Variants in ANKRD12 observed in about 807,000 individuals in gnomAD.
The protein encoded by ANKRD12 is ankyrin repeat domain 12, also known as ankyrin repeat domain-containing protein 12.
In ANKRD12, 85 loss-of-function variants were observed where a neutral mutation model predicts 183.4. The ratio of observed to expected loss-of-function variants is 0.46; its 90% CI spans 0.39 to 0.56. The LOEUF (loss-of-function observed/expected upper bound fraction) is 0.56. ANKRD12 is among the 20% of genes least tolerant of loss of function. The pLI is 0.00. For missense variants in ANKRD12, 2,405 were observed against 2,357.1 expected (o/e 1.02, Z -0.42); for synonymous variants, 914 against 800.2 (o/e 1.14, Z -2.40).
chr18:9,221,750 T>C, intron 7 of ANKRD12, 102 bp from the exon 8 acceptor site: 1 of 1,176,578 alleles, frequency 8.5e-7, no homozygotes, highest in Non-Finnish European at 1.2e-6. Context: ...GCAGAGTAAA[T>C]GAGGTAACAC....
In ANKRD12 at chr18:9,285,427, CAAAAAAAAAAAA is replaced by C. The variant is rs58456955; in HGVS notation, c.*4313_*4324del. The C allele has an allele frequency of 3.7e-5, 2 of 54,524 alleles. No individual in the cohort carries two copies. The highest frequency in any genetic ancestry group is 7.2e-5 in the Non-Finnish European group (2 of 27,674). The allele number at this position is 54,524 out of a possible 1,614,324, so 3.4% of individuals were successfully genotyped here. ...GGCAACAAGAGTGAAACTCTGTCTC[CAAAAAAAAAAAA>C]AAAAAAAAAAAGTATATCACATATG... On this transcript the variant is annotated 3_prime_UTR_variant, in exon 13 of 13. Transcript: ENST00000262126.
At chr18:9,225,838 A>G (rs920639330) in intron 8 of ANKRD12, among the ~76,000 whole-genome samples, 1 of 152,242 alleles carries the variant, frequency 6.6e-6, no homozygotes, top group Non-Finnish European at 1.5e-5. Flanking sequence ...AGCAAAGCTC[A>G]AAGAATTGTA....
intron 2 of ANKRD12, among the ~76,000 whole-genome samples, chr18:9,186,899 C>A (rs2034114762): frequency 6.6e-6 from 1 of 151,778 alleles, no homozygotes; most frequent in Non-Finnish European, 1.5e-5. Context: ...CTACAGGTGC[C>A]CGCCACCGCA....
chr18:9,262,787 CTTTTTTTTTTTTTT>C (rs71168048), intron 9 of ANKRD12, among the ~76,000 whole-genome samples: 4 of 83,758 alleles, frequency 4.8e-5, no homozygotes, highest in African/African-American at 1.7e-4. Flanking sequence ...CAAGATGTCC[CTTTTTTTTTTTTTT>C]TTTTTTTTTT....
intron 1 of ANKRD12, among the ~76,000 whole-genome samples, chr18:9,169,429 T>C (rs192898233): frequency 6.6e-6 from 1 of 152,206 alleles, no homozygotes; most frequent in Non-Finnish European, 1.5e-5. Context: ...AGGATAGTTA[T>C]CTCTTCTTGT....
intron 1 of ANKRD12, among the ~76,000 whole-genome samples, chr18:9,151,188 A>G (rs778876228): frequency 1.3e-5 from 2 of 152,230 alleles, no homozygotes; most frequent in Non-Finnish European, 2.9e-5. Flanking sequence ...TCAGAAGCAC[A>G]ACTATTTGTT....
At chr18:9,217,217 G>T (rs2036159004) in intron 7 of ANKRD12, among the ~76,000 whole-genome samples, 1 of 152,120 alleles carries the variant, frequency 6.6e-6, no homozygotes, top group Admixed American at 6.5e-5. Context: ...GTACAGTGTT[G>T]AATTGCCTAT....
chr18:9,167,579 C>T (rs1192338795), intron 1 of ANKRD12, among the ~76,000 whole-genome samples: 1 of 152,170 alleles, frequency 6.6e-6, no homozygotes, highest in East Asian at 1.9e-4. Flanking sequence ...TATCCTGAGA[C>T]TTTGCTGAAG....
intron 1 of ANKRD12, among the ~76,000 whole-genome samples, chr18:9,146,620 A>G (rs1418169158): frequency 6.6e-6 from 1 of 152,198 alleles, no homozygotes; most frequent in African/African-American, 2.4e-5. Flanking sequence ...ACTTTCTTTC[A>G]GCTATTAGAA....
intron 8 of ANKRD12, among the ~76,000 whole-genome samples, chr18:9,245,678 T>C (rs1397608298): frequency 6.6e-6 from 1 of 152,216 alleles, no homozygotes; most frequent in Non-Finnish European, 1.5e-5. Flanking sequence ...AGCATTTTGT[T>C]TTCTTAATTT....
intron 1 of ANKRD12, among the ~76,000 whole-genome samples, chr18:9,169,056 C>A (rs1300012789): frequency 6.6e-6 from 1 of 152,068 alleles, no homozygotes; most frequent in African/African-American, 2.4e-5. Flanking sequence ...ATCCTGAGTT[C>A]TAGTTTGATT....
rs868775529 is a variant in ANKRD12, at chr18:9,258,396, A to G, written c.5129A>G (p.Tyr1710Cys). 3.1e-6 allele frequency: 5 copies of G among 1,613,838 alleles called. No individual in the cohort carries two copies. The Middle Eastern group carries it at 5.0e-4, about 160-fold the overall frequency. Reference protein sequence around the residue: ...QQSTQPEMHKYGQLVKVELEE... With the variant: ...QQSTQPEMHKCGQLVKVELEE... ...TCAACTCAACCAGAAATGCATAAAT[A>G]TGGTCAGTTAGTTAAAGTAGAATTA... The change falls in exon 9 of 13, where the codon TAT becomes TGT. Residue 1710 changes from tyrosine to cysteine, a missense_variant. By Grantham distance (194) the Tyr-to-Cys change is radical. Coordinates refer to ENST00000262126, the MANE Select transcript of ANKRD12 (RefSeq NM_015208.5).
At chr18:9,240,013 C>T (rs1170478254) in intron 8 of ANKRD12, among the ~76,000 whole-genome samples, 2 of 152,064 alleles carry the variant, frequency 1.3e-5, no homozygotes, top group African/African-American at 4.8e-5. Context: ...ACATTGCTTC[C>T]TTAATCAGAA....
Position 9,186,844 on chromosome 18 carries a change from T to C in ANKRD12, c.87+4325T>C, listed in dbSNP as rs577075276. Among the ~76,000 whole-genome samples, 14 of 150,102 alleles carry C rather than the reference T, an allele frequency of 9.3e-5. No homozygotes were observed. The South Asian group carries it at 1.3e-3, about 14-fold the overall frequency. On this transcript the variant is annotated intron_variant, in intron 2 of 12. Coordinates refer to ENST00000262126, the MANE Select transcript of ANKRD12 (RefSeq NM_015208.5). ...TCAGCTCACTGCAAGCTCCACCTCC[T>C]GGGTTCACGCCATTCTCCTGCCTCA... is the stretch of plus-strand genomic sequence containing the variant.
At chr18:9,278,527 G>A (rs534914471) in intron 11 of ANKRD12, among the ~76,000 whole-genome samples, 1 of 152,190 alleles carries the variant, frequency 6.6e-6, no homozygotes, top group African/African-American at 2.4e-5. Flanking sequence ...GGCCAGGCAC[G>A]GTGGCTTACG....
At chr18:9,184,612 C>CCA (rs1567890419) in intron 2 of ANKRD12, among the ~76,000 whole-genome samples, 1 of 152,148 alleles carries the variant, frequency 6.6e-6, no homozygotes, top group African/African-American at 2.4e-5. Flanking sequence ...CTCAAGTGAG[C>CCA]CACCTGCCTC....
At chr18:9,272,301 G>A (rs191821560) in intron 10 of ANKRD12, among the ~76,000 whole-genome samples, 88 of 152,204 alleles carry the variant, frequency 5.8e-4, no homozygotes, top group African/African-American at 2.0e-3. Flanking sequence ...GGTGGCTCAC[G>A]CCTGTTATCC....
chr18:9,238,852 T>C (rs2037497351), intron 8 of ANKRD12, among the ~76,000 whole-genome samples: 1 of 152,246 alleles, frequency 6.6e-6, no homozygotes, highest in Admixed American at 6.5e-5. Flanking sequence ...CTGGGTGCAG[T>C]GGCTCACGCC....
chr18:9,258,185 T>C lies in ANKRD12; in HGVS notation c.4918T>C (p.Leu1640=), dbSNP rs1292211106. 3 of 1,613,762 alleles carry C rather than the reference T, an allele frequency of 1.9e-6. No homozygotes were observed. The highest frequency in any genetic ancestry group is 2.5e-6 in the Non-Finnish European group (3 of 1,179,958). Residue 1640 remains leucine, a synonymous_variant, in exon 9 of 13, where the codon TTG becomes CTG. Transcript: ENST00000262126. ...TGAAAAAGAAAACAAACTGGAGAGT[T>C]TGGTTTTAACTCATTTGAGTAGGTG... ...SHEKENKLES[L]VLTHLSRCDS...
Sources: allele counts gnomAD v4.1 joint callset (sites outside exome capture counted in the v4.1 genomes callset), GRCh38; gene constraint gnomAD v4.1.1; transcripts MANE v1.5; gene names NCBI Gene and HGNC (gene_info 2026-07-23, HGNC 2026-07-21).